The following BTRC variants were observed in gnomAD, a reference collection of about 807,000 sequenced individuals.
BTRC encodes F-box/WD repeat-containing protein 1A.
Under a neutral mutation model 85.5 loss-of-function variants are expected in BTRC, and 42 were observed. The observed-to-expected ratio is 0.49, with a 90% CI of 0.38 to 0.64. The LOEUF (loss-of-function observed/expected upper bound fraction) is 0.64. Among genes scored for constraint, BTRC ranks in the 30% least tolerant of loss-of-function variants. BTRC has a pLI of 0.00. For synonymous variants in BTRC, 255 were observed against 263.3 expected, an observed-to-expected ratio of 0.97 and a Z score of 0.30; for missense variants, 594 against 743.5, an observed-to-expected ratio of 0.80 and a Z score of 2.34.
intron 4 of BTRC, among the ~76,000 whole-genome samples, chr10:101,484,958 G>T (rs1945943938): frequency 6.6e-6 from 1 of 152,186 alleles, no homozygotes; most frequent in Non-Finnish European, 1.5e-5. Flanking sequence ...AAGAGTTTGT[G>T]TGTTTGTCAG....
chr10:101,419,921 C>T (rs973760773), intron 1 of BTRC, among the ~76,000 whole-genome samples: 1 of 152,106 alleles, frequency 6.6e-6, no homozygotes, highest in Non-Finnish European at 1.5e-5. Context: ...TCCAAGCCCT[C>T]GCATTGTTCT....
At chr10:101,493,983 G>A (rs1278570780) in intron 4 of BTRC, among the ~76,000 whole-genome samples, 1 of 152,162 alleles carries the variant, frequency 6.6e-6, no homozygotes, top group African/African-American at 2.4e-5. Context: ...TGTCGGTCTT[G>A]TTCTAGTTCA....
chr10:101,367,065 A>AAT (rs1192425054), intron 1 of BTRC, among the ~76,000 whole-genome samples: 1 of 88,626 alleles, frequency 1.1e-5, no homozygotes, highest in African/African-American at 4.3e-5. Flanking sequence ...TATAAATATA[A>AAT]ATATATATAT....
intron 2 of BTRC, among the ~76,000 whole-genome samples, chr10:101,459,344 C>A (rs1177136186): frequency 6.6e-6 from 1 of 152,108 alleles, no homozygotes; most frequent in Non-Finnish European, 1.5e-5. Context: ...TCATCATTAC[C>A]CCTTACCCTC....
intron 1 of BTRC, among the ~76,000 whole-genome samples, chr10:101,398,186 G>A (rs1026341413): frequency 3.3e-5 from 5 of 152,264 alleles, no homozygotes; most frequent in East Asian, 1.9e-4. Context: ...TTTAAGAGCA[G>A]TTTATATTAC....
intron 1 of BTRC, among the ~76,000 whole-genome samples, chr10:101,386,296 C>T (rs1300725488): frequency 6.6e-6 from 1 of 152,222 alleles, no homozygotes; most frequent in Admixed American, 6.5e-5. Flanking sequence ...CACTCTGCAT[C>T]TAGAAGCATG....
chr10:101,488,053 T>A (rs995234482), intron 4 of BTRC, among the ~76,000 whole-genome samples: 6 of 152,180 alleles, frequency 3.9e-5, no homozygotes, highest in Non-Finnish European at 4.4e-5. Context: ...TTCTTTGGCA[T>A]TGTACTCTGG....
chr10:101,368,273 C>A (rs934348548), intron 1 of BTRC, among the ~76,000 whole-genome samples: 59 of 152,300 alleles, frequency 3.9e-4, no homozygotes, highest in African/African-American at 1.3e-3. Context: ...CTCCTCTTCG[C>A]CCTCCACCGT....
chr10:101,379,278 C>T (rs946044632), intron 1 of BTRC, among the ~76,000 whole-genome samples: 3 of 152,152 alleles, frequency 2.0e-5, no homozygotes, highest in African/African-American at 7.2e-5. Flanking sequence ...GACACATATG[C>T]ACCTCATCAA....
chr10:101,526,237 G>A, intron 6 of BTRC, 38 bp downstream of exon 6: 1 of 1,567,628 alleles, frequency 6.4e-7, no homozygotes, highest in Non-Finnish European at 8.7e-7. Context: ...TACGGCTTCA[G>A]GACCTGGCCA....
chr10:101,509,873 T>A (rs536848871), intron 4 of BTRC, among the ~76,000 whole-genome samples: 2 of 152,016 alleles, frequency 1.3e-5, no homozygotes, highest in South Asian at 2.1e-4. Context: ...GCTTTTTTTT[T>A]AAAGATGCTT....
At chr10:101,374,604 G>C (rs1171627913) in intron 1 of BTRC, among the ~76,000 whole-genome samples, 2 of 135,832 alleles carry the variant, frequency 1.5e-5, no homozygotes. Flanking sequence ...GACACAGGAA[G>C]GGGAATATCA....
rs149271025 is a variant in BTRC at position 101,389,246 on chromosome 10, G to A, written c.48+35018G>A. On this transcript the variant is annotated intron_variant, in intron 1 of 14. Coordinates refer to ENST00000370187, the MANE Select transcript of BTRC (RefSeq NM_033637.4). ...TTGGCTCCTCACTTTTTCTTATGCCGATATGCAATTCACAAGATTTTATCT... is the reference window on the plus strand; with the variant it reads ...TTGGCTCCTCACTTTTTCTTATGCCAATATGCAATTCACAAGATTTTATCT... Among the ~76,000 whole-genome samples, 41 of 146,188 alleles carry A rather than the reference G, an allele frequency of 2.8e-4. No homozygotes were observed. In the East Asian group the frequency reaches 7.7e-3, roughly 27 times the overall value.
intron 1 of BTRC, among the ~76,000 whole-genome samples, chr10:101,424,134 T>G (rs117998275): frequency 0.067 from 10,145 of 152,130 alleles, 355 homozygotes; most frequent in Non-Finnish European, 0.074. Context: ...CTCAGGAGGC[T>G]TAGTCAGGAA....
At chr10:101,536,516 T>G (rs372280258) in intron 11 of BTRC, 27 bp from the exon 12 acceptor site, 31 of 1,547,464 alleles carry the variant, frequency 2.0e-5, no homozygotes, top group Non-Finnish European at 2.7e-5. Flanking sequence ...TACGTGAAAA[T>G]TCACCTGACT....
chr10:101,380,958 A>G (rs1942912749), intron 1 of BTRC, among the ~76,000 whole-genome samples: 1 of 152,204 alleles, frequency 6.6e-6, no homozygotes, highest in Non-Finnish European at 1.5e-5. Context: ...CCTGTAAGCC[A>G]TTGTAACACA....
chr10:101,370,287 A>T (rs1008147326), intron 1 of BTRC, among the ~76,000 whole-genome samples: 1 of 151,816 alleles, frequency 6.6e-6, no homozygotes, highest in African/African-American at 2.4e-5. Context: ...ACGCCTGGCT[A>T]ATTTTTTGTA....
intron 3 of BTRC, among the ~76,000 whole-genome samples, chr10:101,477,960 A>AT (rs974795282): frequency 5.9e-5 from 9 of 151,982 alleles, no homozygotes; most frequent in African/African-American, 1.9e-4. Context: ...TGATTTTTCT[A>AT]TTTTATCTCT....
rs1210183270 is a variant in BTRC at position 101,534,866 on chromosome 10, G to T, written c.1303G>T (p.Asp435Tyr). 2.5e-6 allele frequency: 4 copies of T among 1,613,990 alleles called. No homozygotes were observed. Among genetic ancestry groups the T allele is most frequent in the Non-Finnish European group, 3.4e-6 (4 of 1,180,016 alleles). Residue 435 changes from aspartate (D) to tyrosine (Y), a missense_variant, in exon 10 of 15, where the codon GAT becomes TAT. Asp to Tyr is a radical substitution (Grantham distance 160, BLOSUM62 -3). Transcript: ENST00000370187. ...HRAAVNVVDF[D>Y]DKYIVSASGD... ...AGCTGCTGTCAATGTTGTAGACTTT[G>T]ATGACAAGTACATTGTTTCTGCATC... is the stretch of plus-strand genomic sequence containing the variant.
Sources: gnomAD v4.1 joint callset for allele counts (sites outside exome capture counted in the v4.1 genomes callset) on GRCh38, gnomAD v4.1.1 for gene constraint, MANE v1.5 for transcripts, NCBI Gene and HGNC (gene_info 2026-07-23, HGNC 2026-07-21) for gene names.